The following FRRS1L variants were observed in gnomAD, a reference collection of about 807,000 sequenced individuals.
The protein encoded by FRRS1L is DOMON domain-containing protein FRRS1L.
A neutral mutation model predicts 28.6 loss-of-function variants in FRRS1L; 22 were observed. That is an observed-to-expected ratio of 0.77 (90% CI 0.55 to 1.10). The LOEUF (loss-of-function observed/expected upper bound fraction) is 1.10, where lower values mean the gene tolerates loss of function less well. Ranked by LOEUF, FRRS1L falls within the 50% of genes least tolerant of loss-of-function variation. The pLI is 0.00. For synonymous variants in FRRS1L, 158 were observed against 151.4 expected (o/e 1.04, Z -0.32); for missense variants, 380 against 386.9 (o/e 0.98, Z 0.15).
chr9:109,141,608 G>C lies in FRRS1L; in HGVS notation c.463-19C>G. On this transcript the variant is annotated intron_variant, in intron 3 of 4. Transcript: ENST00000561981. Reference sequence around the variant, plus strand: ...CACCACCCTAACATGAGAAATGATTGAGAAAAAAAAAAGTCAAAGGTTCAT... The same window carrying C: ...CACCACCCTAACATGAGAAATGATTCAGAAAAAAAAAAGTCAAAGGTTCAT... The C allele has an allele frequency of 6.4e-7, 1 of 1,563,430 alleles. No individual in the cohort carries two copies. The highest frequency in any genetic ancestry group is 1.2e-5 in the South Asian group (1 of 84,918).
chr9:109,161,966 C>T (rs1244518949), intron 1 of FRRS1L, among the ~76,000 whole-genome samples: 1 of 152,130 alleles, frequency 6.6e-6, no homozygotes, highest in African/African-American at 2.4e-5. Flanking sequence ...AACTGTAGTC[C>T]CTAACTGTCT....
chr9:109,164,100 C>A (rs935565307), intron 1 of FRRS1L, among the ~76,000 whole-genome samples: 1 of 152,166 alleles, frequency 6.6e-6, no homozygotes, highest in Non-Finnish European at 1.5e-5. Flanking sequence ...TATTTCTAAG[C>A]GTCTTGGGAA....
chr9:109,143,931 A>C (rs560022372), intron 3 of FRRS1L, among the ~76,000 whole-genome samples: 1 of 152,298 alleles, frequency 6.6e-6, no homozygotes, highest in Admixed American at 6.5e-5. Flanking sequence ...ACAAGAAAAA[A>C]AGAGACCTCT....
intron 4 of FRRS1L, 190 bp from the exon 5 acceptor site, chr9:109,137,817 A>G: frequency 3.0e-6 from 1 of 330,956 alleles, no homozygotes; most frequent in Non-Finnish European, 5.4e-6. Context: ...GAACATAGAA[A>G]TTAGTTAAAT....
At chr9:109,160,554 C>A (rs1588104180) in intron 1 of FRRS1L, among the ~76,000 whole-genome samples, 1 of 151,860 alleles carries the variant, frequency 6.6e-6, no homozygotes, top group South Asian at 2.1e-4. Context: ...GACTGGCTAA[C>A]TTTTTTATCT....
intron 3 of FRRS1L, among the ~76,000 whole-genome samples, chr9:109,144,850 A>AT (rs1432512622): frequency 6.6e-6 from 1 of 151,270 alleles, no homozygotes; most frequent in Non-Finnish European, 1.5e-5. Flanking sequence ...CACCCAGCTA[A>AT]TTTTTTGTAT....
In FRRS1L at chr9:109,167,147, A is replaced by G. The variant is rs1443989586; in HGVS notation, c.-9T>C. ...CGGGGCGGCCGCGCCATCCGTGCGCACAGATCCCGCAGCCAGGCCGCTCGG... is the reference window on the plus strand; with the variant it reads ...CGGGGCGGCCGCGCCATCCGTGCGCGCAGATCCCGCAGCCAGGCCGCTCGG... On this transcript the variant is annotated 5_prime_UTR_variant, in exon 1 of 5. Coordinates refer to ENST00000561981, the MANE Select transcript of FRRS1L (RefSeq NM_014334.4). 1.7e-6 allele frequency: 2 copies of G among 1,145,576 alleles called. No homozygotes were observed. The highest frequency in any genetic ancestry group is 2.1e-6 in the Non-Finnish European group (2 of 937,138). 71.0% of individuals were successfully genotyped at this position (1,145,576 alleles called of 1,614,324 possible).
intron 1 of FRRS1L, among the ~76,000 whole-genome samples, chr9:109,160,811 T>TA (rs1554735455): frequency 1.5e-5 from 2 of 136,096 alleles, no homozygotes; most frequent in African/African-American, 2.5e-5. Context: ...TTTTTTTTTT[T>TA]AGACAGAGTC....
rs966876245 is a variant in FRRS1L, at chr9:109,133,400, T to G, written c.*4055A>C. 1 of 152,178 alleles carries G rather than the reference T, an allele frequency of 6.6e-6. No individual in the cohort carries two copies. The highest frequency in any genetic ancestry group is 2.4e-5 in the African/African-American group (1 of 41,450). 9.4% of individuals were successfully genotyped at this position (152,178 alleles called of 1,614,324 possible). A position where few individuals can be genotyped will look rare whatever the true frequency, so the allele number is the denominator to read the frequency against. On this transcript the variant is annotated 3_prime_UTR_variant, in exon 5 of 5. Coordinates refer to ENST00000561981, the MANE Select transcript of FRRS1L (RefSeq NM_014334.4). ...TTCCTCTAAATATAACTATAAAAAG[T>G]CCTCCAATTAATTGTAAATTACTAA...
chr9:109,149,797 CTG>C, intron 1 of FRRS1L, 77 bp from the exon 2 acceptor site: 1 of 981,012 alleles, frequency 1.0e-6, no homozygotes, highest in African/African-American at 1.6e-5. Context: ...AATGTGTTGA[CTG>C]TTTTTTCTCA....
chr9:109,134,700 A>G lies in FRRS1L; in HGVS notation c.*2755T>C, dbSNP rs980350041. On this transcript the variant is annotated 3_prime_UTR_variant, in exon 5 of 5. Transcript: ENST00000561981. ...CACTAGTGAAATAATTAGCTTGATT[A>G]GAAATGTAAGCGGAAGGAAGCTGCA... The G allele has an allele frequency of 2.6e-5, 4 of 152,236 alleles. No individual in the cohort carries two copies. Among genetic ancestry groups the G allele is most frequent in the Non-Finnish European group, 4.4e-5 (3 of 68,048 alleles). The allele number at this position is 152,236 out of a possible 1,614,324, so 9.4% of individuals were successfully genotyped here.
chr9:109,147,841 T>C (rs1392311931), intron 2 of FRRS1L: 1 of 152,268 alleles, frequency 6.6e-6, no homozygotes, highest in African/African-American at 2.4e-5. Flanking sequence ...CTCTATAGCA[T>C]GATGGCTCAA....
chr9:109,161,125 C>T (rs988310414), intron 1 of FRRS1L, among the ~76,000 whole-genome samples: 1 of 152,084 alleles, frequency 6.6e-6, no homozygotes, highest in Non-Finnish European at 1.5e-5. Flanking sequence ...GCTCCTGACA[C>T]TACTCCCCAG....
intron 1 of FRRS1L, among the ~76,000 whole-genome samples, chr9:109,161,157 A>G (rs1480377559): frequency 6.6e-6 from 1 of 151,462 alleles, no homozygotes. Context: ...CCCTACACCT[A>G]CCTGTCCTCC....
intron 3 of FRRS1L, among the ~76,000 whole-genome samples, chr9:109,143,589 A>G (rs540883029): frequency 1.0e-3 from 144 of 142,428 alleles, no homozygotes; most frequent in African/African-American, 3.7e-3. Context: ...ATCTCGGCTC[A>G]CTGCAACCTC....
intron 1 of FRRS1L, among the ~76,000 whole-genome samples, chr9:109,160,485 C>T (rs1457094246): frequency 2.4e-5 from 1 of 41,700 alleles, no homozygotes; most frequent in East Asian, 7.2e-4. Flanking sequence ...CTCCTAGGCT[C>T]AAGTGATCCT....
intron 1 of FRRS1L, among the ~76,000 whole-genome samples, chr9:109,153,171 T>C (rs556133222): frequency 6.6e-6 from 1 of 152,158 alleles, no homozygotes; most frequent in African/African-American, 2.4e-5. Flanking sequence ...CATGAGCCCC[T>C]TGGATTACAC....
intron 1 of FRRS1L, among the ~76,000 whole-genome samples, chr9:109,161,801 A>G (rs564703373): frequency 8.8e-4 from 134 of 152,308 alleles, no homozygotes; most frequent in African/African-American, 3.1e-3. Context: ...TCATCTGAGA[A>G]CTACTGCATC....
rs1564227702 is a variant in FRRS1L, at chr9:109,137,563, C to G, written c.774G>C (p.Lys258Asn). 1 of 1,612,784 alleles carries G rather than the reference C, an allele frequency of 6.2e-7. No individual in the cohort carries two copies. ...CTGATGGCATAAAAATGTCTTCATA[C>G]TTGTAAATACTGACAACACGCTCTG... ...PASERVVSIYKYEDIFMPSAA... is the reference protein window; with the variant it reads ...PASERVVSIYNYEDIFMPSAA... The change falls in exon 5 of 5, where the codon AAG becomes AAC. Residue 258 changes from lysine to asparagine, a missense_variant. Lys to Asn is a moderately conservative substitution (Grantham distance 94). Coordinates refer to ENST00000561981, the MANE Select transcript of FRRS1L (RefSeq NM_014334.4).
Sources: gnomAD v4.1 joint callset for allele counts (sites outside exome capture counted in the v4.1 genomes callset) on GRCh38, gnomAD v4.1.1 for gene constraint, MANE v1.5 for transcripts, NCBI Gene and HGNC (gene_info 2026-07-23, HGNC 2026-07-21) for gene names.